The following ENTREP2 variants were observed in gnomAD, a reference collection of about 807,000 sequenced individuals.
The protein encoded by ENTREP2 is endosomal transmembrane epsin interactor 2.
chr15:29,482,195 A>G, the ENTREP2 span, among the ~76,000 whole-genome samples: 1 of 143,400 alleles, frequency 7.0e-6, no homozygotes, highest in Non-Finnish European at 1.5e-5. Context: ...TTTTTAGTAG[A>G]GATGGGATTT....
At chr15:29,161,614 T>C in the ENTREP2 span, among the ~76,000 whole-genome samples, 1 of 152,238 alleles carries the variant, frequency 6.6e-6, no homozygotes, top group Non-Finnish European at 1.5e-5. Context: ...ACCAAGTCTT[T>C]TGCTACTCTG....
chr15:29,145,549 G>T, the ENTREP2 span, among the ~76,000 whole-genome samples: 1 of 149,272 alleles, frequency 6.7e-6, no homozygotes, highest in Non-Finnish European at 1.5e-5. Flanking sequence ...CGTGAACCCG[G>T]GAGGCAGAGC....
the ENTREP2 span, among the ~76,000 whole-genome samples, chr15:29,628,036 T>A: frequency 6.6e-6 from 1 of 152,236 alleles, no homozygotes; most frequent in Non-Finnish European, 1.5e-5. Context: ...TAATTCTATG[T>A]TTAACTTTTT....
the ENTREP2 span, among the ~76,000 whole-genome samples, chr15:29,634,018 G>A: frequency 1.3e-5 from 2 of 152,080 alleles, no homozygotes; most frequent in African/African-American, 4.8e-5. Flanking sequence ...GGTCTTACCT[G>A]GGTTCTGCCA....
the ENTREP2 span, among the ~76,000 whole-genome samples, chr15:29,555,369 G>T: frequency 3.1e-3 from 469 of 152,188 alleles, no homozygotes; most frequent in Non-Finnish European, 4.7e-3. Context: ...AAAGAATTGG[G>T]GCTACTAGAC....
the ENTREP2 span, among the ~76,000 whole-genome samples, chr15:29,511,043 C>T: frequency 4.0e-5 from 6 of 151,808 alleles, no homozygotes; most frequent in South Asian, 2.1e-4. Flanking sequence ...CCTGTCGGTG[C>T]GGTGGGGGGC....
the ENTREP2 span, among the ~76,000 whole-genome samples, chr15:29,535,286 A>G: frequency 1.3e-5 from 2 of 152,280 alleles, no homozygotes; most frequent in East Asian, 3.9e-4. Context: ...TAAAAAGCTA[A>G]AGTTGAACCT....
the ENTREP2 span, chr15:29,128,917 C>G: frequency 7.9e-7 from 1 of 1,262,220 alleles, no homozygotes. Flanking sequence ...GAACGCAGCA[C>G]AGCAGCCTCC....
At chr15:29,137,036 C>T in the ENTREP2 span, 1 of 1,434,504 alleles carries the variant, frequency 7.0e-7, no homozygotes, top group Non-Finnish European at 9.1e-7. Context: ...AGACCAACCT[C>T]TGGGCCTCAG....
At chr15:29,128,293 C>T in the ENTREP2 span, among the ~76,000 whole-genome samples, 3 of 152,146 alleles carry the variant, frequency 2.0e-5, no homozygotes, top group Admixed American at 6.5e-5. Context: ...CACGCGACAC[C>T]CACCCTCTGT....
the ENTREP2 span, among the ~76,000 whole-genome samples, chr15:29,566,155 G>A: frequency 3.3e-5 from 5 of 151,194 alleles, no homozygotes; most frequent in South Asian, 1.1e-3. Context: ...TATATTTTTT[G>A]TTTGTTTGTT....
At chr15:29,624,149 C>T in the ENTREP2 span, among the ~76,000 whole-genome samples, 7 of 152,320 alleles carry the variant, frequency 4.6e-5, no homozygotes, top group Non-Finnish European at 1.0e-4. Context: ...TCCACGTTTT[C>T]GTGCACTCTG....
At chr15:29,476,915 C>G in the ENTREP2 span, among the ~76,000 whole-genome samples, 1 of 152,196 alleles carries the variant, frequency 6.6e-6, no homozygotes, top group African/African-American at 2.4e-5. Flanking sequence ...TTCCACTCTC[C>G]TAGGCATACA....
At chr15:29,382,313 A>C in the ENTREP2 span, among the ~76,000 whole-genome samples, 4 of 150,942 alleles carry the variant, frequency 2.7e-5, no homozygotes, top group African/African-American at 4.9e-5. Flanking sequence ...AGGCAAATGC[A>C]ACCCCACCCA....
chr15:29,371,780 T>C, the ENTREP2 span, among the ~76,000 whole-genome samples: 1 of 151,824 alleles, frequency 6.6e-6, no homozygotes, highest in Non-Finnish European at 1.5e-5. Flanking sequence ...GAAAATAAAA[T>C]AGAAGTGCCC....
At chr15:29,384,823 G>A in the ENTREP2 span, among the ~76,000 whole-genome samples, 3 of 152,094 alleles carry the variant, frequency 2.0e-5, no homozygotes, top group Non-Finnish European at 4.4e-5. Flanking sequence ...ACATTCCGGG[G>A]CTCTGGCTCT....
At chr15:29,654,923 C>G in the ENTREP2 span, among the ~76,000 whole-genome samples, 116 of 152,266 alleles carry the variant, frequency 7.6e-4, 1 homozygote, top group African/African-American at 2.8e-3. Context: ...CAGTTGAAAT[C>G]TAGTCTCATG....
the ENTREP2 span, among the ~76,000 whole-genome samples, chr15:29,574,586 C>T: frequency 2.6e-5 from 4 of 152,316 alleles, no homozygotes; most frequent in African/African-American, 9.6e-5. Flanking sequence ...AGCCACCACA[C>T]CCGGCCAAGA....
At chr15:29,325,287 G>A in the ENTREP2 span, among the ~76,000 whole-genome samples, 2 of 151,942 alleles carry the variant, frequency 1.3e-5, no homozygotes, top group Non-Finnish European at 2.9e-5. Context: ...AGAGAGAAGA[G>A]CAATCCAAGC....
Sources: gnomAD v4.1 joint callset for allele counts (sites outside exome capture counted in the v4.1 genomes callset) on GRCh38, gnomAD v4.1.1 for gene constraint, MANE v1.5 for transcripts, NCBI Gene and HGNC (gene_info 2026-07-23, HGNC 2026-07-21) for gene names.